The following TBC1D32 variants were observed in gnomAD, a reference collection of about 807,000 sequenced individuals.
The protein encoded by TBC1D32 is protein broad-minded.
In TBC1D32, 151 loss-of-function variants were observed where a neutral mutation model predicts 170.3. The observed-to-expected ratio is 0.89, with a 90% CI of 0.78 to 1.01. The LOEUF (loss-of-function observed/expected upper bound fraction) is 1.01, where lower values mean the gene tolerates loss of function less well. Ranked by LOEUF, TBC1D32 falls within the 50% of genes least tolerant of loss-of-function variation. The pLI is 0.00. For missense variants in TBC1D32, 1,464 were observed against 1,457.1 expected (o/e 1.00, Z -0.08); for synonymous variants, 498 against 488.0 (o/e 1.02, Z -0.27).
intron 25 of TBC1D32, chr6:121,130,053 T>C (rs181326950): frequency 2.9e-6 from 1 of 344,220 alleles, no homozygotes; most frequent in Admixed American, 3.8e-5. Flanking sequence ...GACTCTTATA[T>C]AAGAAGACTT....
At chr6:121,110,623 T>C (rs1779109502) in intron 29 of TBC1D32, among the ~76,000 whole-genome samples, 1 of 152,064 alleles carries the variant, frequency 6.6e-6, no homozygotes. Flanking sequence ...GTTCATATTA[T>C]CAAATTGCAT....
chr6:121,149,184 A>AT, intron 24 of TBC1D32, among the ~76,000 whole-genome samples: 1 of 151,632 alleles, frequency 6.6e-6, no homozygotes, highest in African/African-American at 2.4e-5. Context: ...TAGATTGAAA[A>AT]TTTTTTCTCC....
chr6:121,256,075 A>C lies in TBC1D32; in HGVS notation c.1935+9T>G, dbSNP rs371822700. ...GCAGGGAGAAAAAACGAAGCTTGAA[A>C]ATACTTACCTTTTTCCATGCCTTTG... On this transcript the variant is annotated intron_variant, in intron 16 of 31. Transcript: ENST00000398212. 2.5e-5 allele frequency: 40 copies of C among 1,601,340 alleles called. No homozygotes were observed. In the African/African-American group the frequency reaches 5.0e-4, roughly 20 times the overall value.
At chr6:121,105,638 G>A (rs560099025) in intron 30 of TBC1D32, among the ~76,000 whole-genome samples, 1 of 151,978 alleles carries the variant, frequency 6.6e-6, no homozygotes, top group African/African-American at 2.4e-5. Context: ...ACCAAGCTGA[G>A]GCATACAGGT....
intron 22 of TBC1D32, among the ~76,000 whole-genome samples, chr6:121,183,659 CT>C (rs1788818148): frequency 6.6e-6 from 1 of 152,034 alleles, no homozygotes; most frequent in East Asian, 1.9e-4. Context: ...CTTCTCTTCC[CT>C]TTTTGTAATA....
chr6:121,260,167 G>T (rs1242684446), intron 15 of TBC1D32, among the ~76,000 whole-genome samples: 1 of 152,008 alleles, frequency 6.6e-6, no homozygotes, highest in Non-Finnish European at 1.5e-5. Context: ...CAAATTACAA[G>T]TCCCACTTTC....
chr6:121,245,557 A>C (rs1018138856), intron 17 of TBC1D32, among the ~76,000 whole-genome samples: 1 of 152,296 alleles, frequency 6.6e-6, no homozygotes, highest in Middle Eastern at 3.4e-3. Context: ...CTCTCTATCC[A>C]ATAGGCAGAC....
rs1563044335 is a variant in TBC1D32 at position 121,242,200 on chromosome 6, C to A, written c.2157+1G>T. Reference sequence around the variant, plus strand: ...TGCCTTTGGCAGATGGTAATTCATACCTGTAATTTTTTTGCATATCGATTG... The same window carrying A: ...TGCCTTTGGCAGATGGTAATTCATAACTGTAATTTTTTTGCATATCGATTG... On this transcript the variant is annotated splice_donor_variant, in intron 18 of 31. Transcript: ENST00000398212. LOFTEE classifies it high-confidence loss of function. The A allele has an allele frequency of 6.2e-7, 1 of 1,610,102 alleles. No homozygotes were observed. Among genetic ancestry groups the A allele is most frequent in the Non-Finnish European group, 8.5e-7 (1 of 1,178,674 alleles).
chr6:121,319,253 C>A (rs557683696), intron 2 of TBC1D32, among the ~76,000 whole-genome samples: 4 of 151,996 alleles, frequency 2.6e-5, no homozygotes, highest in Admixed American at 2.6e-4. Flanking sequence ...TAACAGAGTC[C>A]GAGGAATATC....
At chr6:121,152,234 G>A (rs557273808) in intron 24 of TBC1D32, among the ~76,000 whole-genome samples, 100 of 152,146 alleles carry the variant, frequency 6.6e-4, no homozygotes, top group Non-Finnish European at 1.1e-3. Flanking sequence ...TGTCTGTAAA[G>A]GATTTTATTC....
In TBC1D32 at chr6:121,310,666, T is replaced by A. The variant is rs943416421; in HGVS notation, c.564+113A>T. 4 of 714,186 alleles carry A rather than the reference T, an allele frequency of 5.6e-6. No individual in the cohort carries two copies. The African/African-American group carries it at 7.3e-5, about 13-fold the overall frequency. 44.2% of individuals were successfully genotyped at this position (714,186 alleles called of 1,614,324 possible). A position where few individuals can be genotyped will look rare whatever the true frequency, so the allele number is the denominator to read the frequency against. On this transcript the variant is annotated intron_variant, in intron 4 of 31. Transcript: ENST00000398212. Reference sequence around the variant, plus strand: ...AGGGATATCAGTCCAGGATTGCCCATAATCATAAAGGCTTAGCCTCAAGGG... The same window carrying A: ...AGGGATATCAGTCCAGGATTGCCCAAAATCATAAAGGCTTAGCCTCAAGGG...
intron 20 of TBC1D32, among the ~76,000 whole-genome samples, chr6:121,228,962 A>G (rs1795379608): frequency 6.6e-6 from 1 of 152,148 alleles, no homozygotes; most frequent in Admixed American, 6.6e-5. Context: ...CGTATTGACC[A>G]TATTCATATT....
At chr6:121,129,835 A>C (rs1450156425) in intron 25 of TBC1D32, 1 of 423,458 alleles carries the variant, frequency 2.4e-6, no homozygotes, top group Non-Finnish European at 4.6e-6. Context: ...TATTGGTAAT[A>C]ATCAGAAAAG....
At chr6:121,261,624 G>T (rs1309313212) in intron 15 of TBC1D32, among the ~76,000 whole-genome samples, 2 of 152,002 alleles carry the variant, frequency 1.3e-5, no homozygotes, top group East Asian at 1.9e-4. Flanking sequence ...CTCATCCAAG[G>T]GTCAGCAGCC....
intron 10 of TBC1D32, among the ~76,000 whole-genome samples, chr6:121,298,723 C>T (rs1235927582): frequency 2.6e-5 from 4 of 152,048 alleles, no homozygotes; most frequent in Non-Finnish European, 5.9e-5. Flanking sequence ...TGTTCTCCTT[C>T]CTTCATTTTA....
intron 21 of TBC1D32, among the ~76,000 whole-genome samples, chr6:121,210,676 T>C (rs970195778): frequency 1.3e-5 from 2 of 152,074 alleles, no homozygotes; most frequent in Non-Finnish European, 2.9e-5. Context: ...AGATAGGAGA[T>C]TATGGGGGTG....
chr6:121,279,325 G>GT (rs1204545299), intron 14 of TBC1D32, 80 bp from the exon 15 acceptor site: 1 of 1,473,140 alleles, frequency 6.8e-7, no homozygotes, highest in African/African-American at 1.5e-5. Context: ...TCCGAGGATT[G>GT]TAAGTAGTCT....
intron 30 of TBC1D32, among the ~76,000 whole-genome samples, chr6:121,101,696 C>A (rs1052570800): frequency 6.6e-6 from 1 of 152,138 alleles, no homozygotes; most frequent in African/African-American, 2.4e-5. Flanking sequence ...GATGCCCTCT[C>A]TCACCACTCC....
intron 22 of TBC1D32, among the ~76,000 whole-genome samples, chr6:121,178,725 A>G (rs2062970140): frequency 1.3e-5 from 2 of 152,212 alleles, no homozygotes; most frequent in Non-Finnish European, 1.5e-5. Flanking sequence ...ATTACATTCC[A>G]TAAGACTGTA....
Sources: allele counts gnomAD v4.1 joint callset (sites outside exome capture counted in the v4.1 genomes callset), GRCh38; gene constraint gnomAD v4.1.1; transcripts MANE v1.5; gene names NCBI Gene and HGNC (gene_info 2026-07-23, HGNC 2026-07-21).